ZNF483: variants seen among roughly 807,000 people sequenced by gnomAD.
ZNF483 encodes the protein zinc finger protein 483, also known as zinc finger protein HIT-10.
A neutral mutation model predicts 28.6 loss-of-function variants in ZNF483; 9 were observed. The ratio of observed to expected loss-of-function variants is 0.32; its 90% CI spans 0.19 to 0.55. The LOEUF is 0.55. Ranked by LOEUF, ZNF483 falls within the 20% of genes least tolerant of loss-of-function variation. The probability of loss-of-function intolerance (pLI) is 0.93; values close to 1 mark genes in which losing one functional copy is unlikely to be tolerated. For missense variants in ZNF483, 675 were observed against 871.7 expected (o/e 0.77, Z 2.84); for synonymous variants, 322 against 306.2 (o/e 1.05, Z -0.54).
intron 5 of ZNF483, among the ~76,000 whole-genome samples, chr9:111,568,097 G>T (rs535194331): frequency 5.9e-5 from 9 of 152,106 alleles, no homozygotes; most frequent in African/African-American, 9.7e-5. Flanking sequence ...GAATAACAGC[G>T]ATTTTCAGGG....
chr9:111,567,795 T>A (rs982101480), intron 5 of ZNF483, among the ~76,000 whole-genome samples: 10 of 151,956 alleles, frequency 6.6e-5, no homozygotes, highest in Non-Finnish European at 1.3e-4. Context: ...CCAGGTAGAG[T>A]CCACTACTGT....
chr9:111,534,431 G>A, intron 5 of ZNF483, 78 bp downstream of exon 5: 1 of 1,221,662 alleles, frequency 8.2e-7, no homozygotes, highest in South Asian at 1.2e-5. Flanking sequence ...TGAAATGTTG[G>A]GCTGCCTAGA....
rs1827671973 is a variant in ZNF483, at chr9:111,541,637, C to T, written c.722-20C>T. Reference sequence around the variant, plus strand: ...TCCTTTCTTGCAAACAGGAAATATTCTATTTCTTATATCTTTTAGATGAAT... The same window carrying T: ...TCCTTTCTTGCAAACAGGAAATATTTTATTTCTTATATCTTTTAGATGAAT... On this transcript the variant is annotated intron_variant, in intron 5 of 5. Coordinates refer to ENST00000309235, the MANE Select transcript of ZNF483 (RefSeq NM_133464.5). The T allele has an allele frequency of 6.4e-6, 10 of 1,557,078 alleles. No homozygotes were observed. The East Asian group carries it at 2.3e-4, about 35-fold the overall frequency.
intron 5 of ZNF483, chr9:111,563,526 GAC>G (rs1828407721): frequency 5.0e-6 from 1 of 198,074 alleles, no homozygotes; most frequent in South Asian, 1.1e-4. Context: ...TTTTTTTTGA[GAC>G]AGAGTCTCGC....
At chr9:111,536,923 A>T (rs957803408) in intron 5 of ZNF483, among the ~76,000 whole-genome samples, 2 of 152,180 alleles carry the variant, frequency 1.3e-5, no homozygotes, top group Non-Finnish European at 2.9e-5. Flanking sequence ...GTGTGTATCG[A>T]TCACTAAATT....
intron 5 of ZNF483, among the ~76,000 whole-genome samples, chr9:111,536,625 AC>A (rs1827509521): frequency 6.6e-6 from 1 of 152,156 alleles, no homozygotes; most frequent in South Asian, 2.1e-4. Context: ...ATCTTCTCAA[AC>A]ATTTATTGTA....
intron 5 of ZNF483, chr9:111,539,532 G>C: frequency 2.2e-6 from 1 of 449,356 alleles, no homozygotes; most frequent in Non-Finnish European, 4.5e-6. Flanking sequence ...GGGAGGCCAA[G>C]GCAGGTGGAT....
chr9:111,533,045 G>A (rs562935554), intron 3 of ZNF483, among the ~76,000 whole-genome samples: 24 of 152,322 alleles, frequency 1.6e-4, no homozygotes, highest in Non-Finnish European at 2.6e-4. Flanking sequence ...ATTGCTGCTC[G>A]TAATTGGAAG....
Position 111,550,259 on chromosome 9 carries a change from C to T in ZNF483, c.*7089C>T, listed in dbSNP as rs1441622593. Among the ~76,000 whole-genome samples, 1 of 152,108 alleles carries T rather than the reference C, an allele frequency of 6.6e-6. No homozygotes were observed. The highest frequency in any genetic ancestry group is 1.5e-5 in the Non-Finnish European group (1 of 68,018). On this transcript the variant is annotated 3_prime_UTR_variant, in exon 6 of 6. Transcript: ENST00000309235. ...ATGTCCAGAAAAACAGGTTTCATCC[C>T]TTTTTTCTCCTGGAAGCCACTTTAG... is the stretch of plus-strand genomic sequence containing the variant.
rs1429560785 is a variant in ZNF483, at chr9:111,541,762, G to A, written c.827G>A (p.Gly276Asp). 1 of 1,614,190 alleles carries A rather than the reference G, an allele frequency of 6.2e-7. No individual in the cohort carries two copies. Among genetic ancestry groups the A allele is most frequent in the South Asian group, 1.1e-5 (1 of 91,086 alleles). The change falls in exon 6 of 6, where the codon GGT becomes GAT. Residue 276 changes from glycine (G) to aspartate (D), a missense_variant. Around this residue, in one of 6 missense-constraint regions of ZNF483, gnomAD observed 525 missense variants for 581.8 expected, o/e 0.90. Coordinates refer to ENST00000309235, the MANE Select transcript of ZNF483 (RefSeq NM_133464.5). The part of the protein sequence containing the change: ...QYCGSSEEDH[G>D]NQGNSKGRVA... ...TGTGGCAGCTCAGAGGAGGATCACG[G>A]TAATCAGGGAAATTCAAAAGGAAGA... is the stretch of plus-strand genomic sequence containing the variant.
At chr9:111,568,508 A>C (rs1245081570) in intron 5 of ZNF483, among the ~76,000 whole-genome samples, 3 of 152,164 alleles carry the variant, frequency 2.0e-5, no homozygotes, top group Non-Finnish European at 4.4e-5. Context: ...ATAGACCCTT[A>C]TCAGTAATTC....
At chr9:111,530,159 T>C (rs1827284618) in intron 2 of ZNF483, among the ~76,000 whole-genome samples, 1 of 152,070 alleles carries the variant, frequency 6.6e-6, no homozygotes, top group African/African-American at 2.4e-5. Flanking sequence ...GAAGGTTGAG[T>C]TGATCACAGG....
rs1827905398 is a variant in ZNF483, at chr9:111,550,405, T to G, written c.*7235T>G. On this transcript the variant is annotated 3_prime_UTR_variant, in exon 6 of 6. Transcript: ENST00000309235. The stretch of plus-strand genomic sequence containing the variant: ...AGGAAGTGGCTATTATTGTCCACCC[T>G]GGCTGCAGCAAGCTGACCCAGAAAT... 6.6e-6 allele frequency among the ~76,000 whole-genome samples: 1 copy of G among 152,216 alleles called. No homozygotes were observed. The highest frequency in any genetic ancestry group is 1.5e-5 in the Non-Finnish European group (1 of 68,038).
At chr9:111,539,112 C>CA (rs11367090) in intron 5 of ZNF483, among the ~76,000 whole-genome samples, 970 of 64,926 alleles carry the variant, frequency 0.015, 49 homozygotes, top group Admixed American at 0.019. Flanking sequence ...GACTCCGTCT[C>CA]AAAAAAAAAA....
chr9:111,558,023 T>G (rs1306458439), downstream of ZNF483, among the ~76,000 whole-genome samples: 1 of 152,108 alleles, frequency 6.6e-6, no homozygotes, highest in Non-Finnish European at 1.5e-5. Flanking sequence ...GGTGCGCGCC[T>G]GTAGTCCCAG....
rs1827831594 is a variant in ZNF483, at chr9:111,547,409, C to G, written c.*4239C>G. On this transcript the variant is annotated 3_prime_UTR_variant, in exon 6 of 6. Transcript: ENST00000309235. ...CCTAGTGATTAGTGATGTTAACTGTCTTTTTATGTGCTTATTGACCATTTG... is the reference window on the plus strand; with the variant it reads ...CCTAGTGATTAGTGATGTTAACTGTGTTTTTATGTGCTTATTGACCATTTG... 6.6e-6 allele frequency among the ~76,000 whole-genome samples: 1 copy of G among 152,038 alleles called. No individual in the cohort carries two copies.
intron 5 of ZNF483, among the ~76,000 whole-genome samples, chr9:111,537,632 T>G (rs938245322): frequency 7.0e-6 from 1 of 143,422 alleles, no homozygotes; most frequent in Non-Finnish European, 1.6e-5. Context: ...GCAGTTATTA[T>G]TATTATTATT....
Position 111,543,276 on chromosome 9 carries a change from T to C in ZNF483, c.*106T>C. On this transcript the variant is annotated 3_prime_UTR_variant, in exon 6 of 6. Coordinates refer to ENST00000309235, the MANE Select transcript of ZNF483 (RefSeq NM_133464.5). ...GATCAGTAGCTGCAGCTTTCGTAAA[T>C]TGGCAGTTAGGAAAAATATCCTTTT... 6 of 1,453,648 alleles carry C rather than the reference T, an allele frequency of 4.1e-6. No homozygotes were observed. The South Asian group carries it at 9.6e-5, about 23-fold the overall frequency. 90.0% of individuals were successfully genotyped at this position (1,453,648 alleles called of 1,614,324 possible). A position where few individuals can be genotyped will look rare whatever the true frequency, so the allele number is the denominator to read the frequency against.
intron 5 of ZNF483, among the ~76,000 whole-genome samples, chr9:111,537,287 TGTC>T (rs955425227): frequency 6.6e-6 from 1 of 152,072 alleles, no homozygotes; most frequent in African/African-American, 2.4e-5. Context: ...AATGGCGTGA[TGTC>T]AGCTCACTGC....
Sources: gnomAD v4.1 joint callset for allele counts (sites outside exome capture counted in the v4.1 genomes callset) on GRCh38, gnomAD v4.1.1 for gene constraint, gnomAD v4.1.1 regional missense constraint, MANE v1.5 for transcripts, NCBI Gene and HGNC (gene_info 2026-07-23, HGNC 2026-07-21) for gene names.